The following KALRN variants were observed in gnomAD, a reference collection of about 807,000 sequenced individuals.
KALRN encodes kalirin.
Under a neutral mutation model 353.7 loss-of-function variants are expected in KALRN, and 70 were observed. The observed-to-expected ratio is 0.20, with a 90% CI of 0.16 to 0.24. The LOEUF is 0.24. Among genes scored for constraint, KALRN ranks in the 10% least tolerant of loss-of-function variants. KALRN has a pLI of 1.00. For synonymous variants in KALRN, 1,391 were observed against 1,434.8 expected, an observed-to-expected ratio of 0.97 and a Z score of 0.69; for missense variants, 2,791 against 3,756.7, an observed-to-expected ratio of 0.74 and a Z score of 6.72.
intron 5 of KALRN, among the ~76,000 whole-genome samples, chr3:124,288,791 A>G (rs1036782877): frequency 6.6e-6 from 1 of 152,204 alleles, no homozygotes; most frequent in African/African-American, 2.4e-5. Flanking sequence ...AGCAGCAATA[A>G]TGGAAGTAAA....
intron 1 of KALRN, among the ~76,000 whole-genome samples, chr3:124,126,137 A>G (rs2064637275): frequency 6.6e-6 from 1 of 152,182 alleles, no homozygotes; most frequent in African/African-American, 2.4e-5. Flanking sequence ...TGTCTGGCCA[A>G]GAATTGGGAG....
At chr3:124,448,500 T>C (rs1396260887) in intron 21 of KALRN, among the ~76,000 whole-genome samples, 1 of 152,244 alleles carries the variant, frequency 6.6e-6, no homozygotes, top group Non-Finnish European at 1.5e-5. Flanking sequence ...AATGGATGTA[T>C]TCTCTGAGCC....
At chr3:124,078,058 C>T (rs749907624) in intron 1 of KALRN, among the ~76,000 whole-genome samples, 6 of 152,236 alleles carry the variant, frequency 3.9e-5, no homozygotes, top group Admixed American at 1.3e-4. Context: ...AGGACCTCTA[C>T]GCTCTGGCCC....
chr3:124,488,517 C>G, intron 29 of KALRN: 1 of 556,418 alleles, frequency 1.8e-6, no homozygotes, highest in East Asian at 3.0e-5. Flanking sequence ...CTAGGAAGGA[C>G]CAGGCCTAAG....
chr3:124,645,653 TC>T, intron 37 of KALRN, among the ~76,000 whole-genome samples: 1 of 137,272 alleles, frequency 7.3e-6, no homozygotes, highest in African/African-American at 2.6e-5. Flanking sequence ...TCTCTCTCTC[TC>T]TCTCTGTGCG....
At chr3:124,198,121 T>C (rs575415462) in intron 1 of KALRN, among the ~76,000 whole-genome samples, 1 of 152,302 alleles carries the variant, frequency 6.6e-6, no homozygotes, top group Admixed American at 6.5e-5. Context: ...AATTAAAAGC[T>C]TCGTGCTAAA....
chr3:124,291,458 A>G (rs1267876362), intron 5 of KALRN, among the ~76,000 whole-genome samples: 1 of 152,204 alleles, frequency 6.6e-6, no homozygotes, highest in Non-Finnish European at 1.5e-5. Flanking sequence ...GGGAAGCTGA[A>G]CTTGGATGTT....
chr3:124,606,523 G>A lies in KALRN; in HGVS notation c.5183-25897G>A, dbSNP rs915631413. ...CATAAATTTGATTTATAAAATATGA[G>A]AACCATAAAAGACAAATATAAAGCA... On this transcript the variant is annotated intron_variant, in intron 34 of 59. Coordinates refer to ENST00000682506, the MANE Select transcript of KALRN (RefSeq NM_001388419.1). Among the ~76,000 whole-genome samples, 55 of 152,156 alleles carry A rather than the reference G, an allele frequency of 3.6e-4. 2 individuals are homozygous for A. The highest frequency in any genetic ancestry group is 3.1e-3 in the Admixed American group (47 of 15,288).
rs1331925318 is a variant in KALRN at position 124,095,268 on chromosome 3, C to G, written c.73+61455C>G. ...AAGCAGTGCAGAAGGAGAATGATTC[C>G]TGCAGTAAGAAGCTGGGGGCAAACA... On this transcript the variant is annotated intron_variant, in intron 1 of 59. Transcript: ENST00000682506. Among the ~76,000 whole-genome samples, 7 of 152,270 alleles carry G rather than the reference C, an allele frequency of 4.6e-5. No homozygotes were observed. The East Asian group carries it at 1.2e-3, about 25-fold the overall frequency.
chr3:124,643,700 G>T (rs899813416), intron 37 of KALRN, among the ~76,000 whole-genome samples: 1 of 152,004 alleles, frequency 6.6e-6, no homozygotes, highest in Non-Finnish European at 1.5e-5. Context: ...TTGTTGCCCA[G>T]ACTGGCGTTG....
intron 34 of KALRN, among the ~76,000 whole-genome samples, chr3:124,602,181 G>A (rs1272978536): frequency 1.3e-5 from 2 of 152,166 alleles, no homozygotes; most frequent in African/African-American, 4.8e-5. Context: ...TTTGCAGTAG[G>A]CTTTTTCCAA....
chr3:124,087,358 G>T (rs1033201373), intron 1 of KALRN, among the ~76,000 whole-genome samples: 24 of 152,050 alleles, frequency 1.6e-4, no homozygotes, highest in African/African-American at 5.3e-4. Flanking sequence ...TGTTAATTAG[G>T]CACCCTCTGT....
At chr3:124,185,248 AC>A (rs1372041240) in intron 1 of KALRN, among the ~76,000 whole-genome samples, 2 of 152,142 alleles carry the variant, frequency 1.3e-5, no homozygotes, top group Non-Finnish European at 2.9e-5. Context: ...ACTCCTGAGC[AC>A]AAACCATCTG....
chr3:124,650,494 T>C (rs1412489918), intron 37 of KALRN, among the ~76,000 whole-genome samples: 3 of 152,226 alleles, frequency 2.0e-5, no homozygotes, highest in Admixed American at 6.5e-5. Flanking sequence ...GCATATTTGG[T>C]ATAGAATTGC....
chr3:124,639,461 C>A (rs573129482), intron 37 of KALRN, among the ~76,000 whole-genome samples: 2 of 152,252 alleles, frequency 1.3e-5, no homozygotes, highest in African/African-American at 2.4e-5. Flanking sequence ...ATAAAAAAGT[C>A]TTTTACACTT....
In KALRN at chr3:124,219,234, G is replaced by A. The variant is rs145805792; in HGVS notation, c.74-8756G>A. ...GCCATCAATGAGCTTAGAGTCTAGC[G>A]AGGGAGCCAGATGCAGTGGTGGACA... On this transcript the variant is annotated intron_variant, in intron 1 of 59. Transcript: ENST00000682506. 5.1e-4 allele frequency among the ~76,000 whole-genome samples: 78 copies of A among 152,288 alleles called. 1 individual carries two copies. In the East Asian group the frequency reaches 0.012, roughly 24 times the overall value.
rs1252599601 is a variant in KALRN at position 124,725,235 on chromosome 3, T to C, written c.*5765T>C. ...GAATCTGAAGTTAACAAGACATACA[T>C]CTTCTCTTACTAACTTAAGCCATAT... is the stretch of plus-strand genomic sequence containing the variant. On this transcript the variant is annotated 3_prime_UTR_variant, in exon 60 of 60. Coordinates refer to ENST00000682506, the MANE Select transcript of KALRN (RefSeq NM_001388419.1). The C allele has an allele frequency of 3.3e-5, 5 of 152,178 alleles. No homozygotes were observed. Among genetic ancestry groups the C allele is most frequent in the East Asian group, 1.9e-4 (1 of 5,200 alleles). 9.4% of individuals were successfully genotyped at this position (152,178 alleles called of 1,614,324 possible).
At chr3:124,266,201 A>G (rs566848229) in intron 4 of KALRN, among the ~76,000 whole-genome samples, 1 of 152,228 alleles carries the variant, frequency 6.6e-6, no homozygotes, top group Non-Finnish European at 1.5e-5. Flanking sequence ...TTTAGAAAAA[A>G]TAGTATTAAA....
At chr3:124,061,429 T>A (rs2149214561) in intron 1 of KALRN, among the ~76,000 whole-genome samples, 1 of 152,324 alleles carries the variant, frequency 6.6e-6, no homozygotes, top group East Asian at 1.9e-4. Flanking sequence ...CCAGGCAATA[T>A]GGTGCCAAAG....
Sources: allele counts gnomAD v4.1 joint callset (sites outside exome capture counted in the v4.1 genomes callset), GRCh38; gene constraint gnomAD v4.1.1; transcripts MANE v1.5; gene names NCBI Gene and HGNC (gene_info 2026-07-23, HGNC 2026-07-21).